GPR137B: variants seen among roughly 807,000 people sequenced by gnomAD.
GPR137B encodes G protein-coupled receptor 137B.
Under a neutral mutation model 42.5 loss-of-function variants are expected in GPR137B, and 42 were observed. The observed-to-expected ratio is 0.99, with a 90% confidence interval of 0.77 to 1.28. The LOEUF is 1.28. GPR137B is among the 50% of genes most tolerant of loss of function. The pLI is 0.00. For missense variants in GPR137B, 487 were observed against 493.9 expected, an observed-to-expected ratio of 0.99 and a Z score of 0.13; for synonymous variants, 218 against 209.7, an observed-to-expected ratio of 1.04 and a Z score of -0.34.
intron 1 of GPR137B, among the ~76,000 whole-genome samples, chr1:236,153,582 C>T (rs964513426): frequency 6.6e-6 from 1 of 152,212 alleles, no homozygotes; most frequent in Non-Finnish European, 1.5e-5. Flanking sequence ...GTGTGCCAGA[C>T]ACTGTGCAGA....
At chr1:236,145,904 G>T (rs1015674558) in intron 1 of GPR137B, among the ~76,000 whole-genome samples, 4 of 152,054 alleles carry the variant, frequency 2.6e-5, no homozygotes, top group Admixed American at 1.3e-4. Flanking sequence ...TTTTGAGATA[G>T]AGCCTTGCTT....
chr1:236,147,258 G>A (rs1049660048), intron 1 of GPR137B, among the ~76,000 whole-genome samples: 6 of 152,182 alleles, frequency 3.9e-5, no homozygotes, highest in African/African-American at 1.2e-4. Flanking sequence ...GCCCAGGGGA[G>A]GGGCACACTC....
chr1:236,172,080 G>A (rs1463887665), intron 2 of GPR137B, among the ~76,000 whole-genome samples: 1 of 151,792 alleles, frequency 6.6e-6, no homozygotes. Flanking sequence ...GGCCAGTGAA[G>A]TTGGAGAGTT....
intron 6 of GPR137B, among the ~76,000 whole-genome samples, chr1:236,206,566 A>G (rs1663668463): frequency 6.6e-6 from 1 of 152,198 alleles, no homozygotes; most frequent in Non-Finnish European, 1.5e-5. Flanking sequence ...CAATACATGA[A>G]CTACCAGTCC....
intron 5 of GPR137B, among the ~76,000 whole-genome samples, chr1:236,195,526 G>T (rs1663308087): frequency 6.6e-6 from 1 of 152,112 alleles, no homozygotes; most frequent in Non-Finnish European, 1.5e-5. Flanking sequence ...CACTTAGGTT[G>T]CTTCCAAAGC....
intron 5 of GPR137B, among the ~76,000 whole-genome samples, chr1:236,195,258 C>T (rs911126851): frequency 5.3e-5 from 8 of 151,904 alleles, no homozygotes; most frequent in African/African-American, 1.7e-4. Context: ...ATACTCTCCC[C>T]CCGCCACTAC....
At chr1:236,191,197 T>C (rs1374645641) in intron 5 of GPR137B, among the ~76,000 whole-genome samples, 1 of 152,182 alleles carries the variant, frequency 6.6e-6, no homozygotes, top group African/African-American at 2.4e-5. Flanking sequence ...CATCAGGTCA[T>C]TTATATTCTC....
At chr1:236,151,166 T>C (rs1661849087) in intron 1 of GPR137B, among the ~76,000 whole-genome samples, 1 of 152,130 alleles carries the variant, frequency 6.6e-6, no homozygotes, top group South Asian at 2.1e-4. Context: ...GGCCGGCCAG[T>C]TCTCTCAGTA....
In GPR137B at chr1:236,150,692, C is replaced by T. The variant is rs1288994180; in HGVS notation, c.414+7656C>T. 1.3e-5 allele frequency among the ~76,000 whole-genome samples: 2 copies of T among 152,242 alleles called. No individual in the cohort carries two copies. The highest frequency in any genetic ancestry group is 2.4e-5 in the African/African-American group (1 of 41,468). On this transcript the variant is annotated intron_variant, in intron 1 of 6. Coordinates refer to ENST00000366592, the MANE Select transcript of GPR137B (RefSeq NM_003272.4). This position sits in a 1 kb window ranked among gnomAD's most constrained non-coding sequence, Gnocchi z 6.2. ...GTCACCATCAGGAGCGCCCTACTGT[C>T]GGCTCCGAACACTGTGGCACCTGCA...
At chr1:236,180,675 C>T (rs965766433) in intron 4 of GPR137B, among the ~76,000 whole-genome samples, 7 of 145,078 alleles carry the variant, frequency 4.8e-5, no homozygotes, top group African/African-American at 7.6e-5. Flanking sequence ...ACTCTTGTTG[C>T]CCAGGCTGGA....
intron 2 of GPR137B, among the ~76,000 whole-genome samples, chr1:236,176,397 C>G (rs540690129): frequency 5.9e-4 from 90 of 152,196 alleles, no homozygotes; most frequent in African/African-American, 2.0e-3. Context: ...CCTGCATGTC[C>G]GACTCGCTCA....
chr1:236,178,495 G>C lies in GPR137B; in HGVS notation c.546G>C (p.Thr182=). 1 of 1,613,832 alleles carries C rather than the reference G, an allele frequency of 6.2e-7. No homozygotes were observed. The highest frequency in any genetic ancestry group is 1.1e-5 in the South Asian group (1 of 91,062). The change falls in exon 3 of 7, where the codon ACG becomes ACC. Residue 182 remains threonine, a synonymous_variant. Coordinates refer to ENST00000366592, the MANE Select transcript of GPR137B (RefSeq NM_003272.4). ...TAACCTGTGCTGTGCTGGTAAAGAC[G>C]GGAAATTGGGAGAGGAAGGTTATCG... is the stretch of plus-strand genomic sequence containing the variant. ...VNLTCAVLVK[T]GNWERKVIVS...
At chr1:236,193,799 C>A (rs1663262756) in intron 5 of GPR137B, among the ~76,000 whole-genome samples, 1 of 152,120 alleles carries the variant, frequency 6.6e-6, no homozygotes, top group African/African-American at 2.4e-5. Flanking sequence ...ATGATTTGCA[C>A]ATATTTTCTC....
Position 236,165,190 on chromosome 1 carries a change from C to T in GPR137B, c.415-3516C>T, listed in dbSNP as rs138020659. Among the ~76,000 whole-genome samples the T allele has an allele frequency of 4.1e-3, 626 of 152,330 alleles. 9 individuals carry two copies. Among genetic ancestry groups the T allele is most frequent in the Admixed American group, 0.037 (564 of 15,306 alleles). On this transcript the variant is annotated intron_variant, in intron 1 of 6. Coordinates refer to ENST00000366592, the MANE Select transcript of GPR137B (RefSeq NM_003272.4). ...AAAGTGCTGGGATTACAGGCGTGAGCCACTGCACCCAGCCTGAATTCAAGA... is the reference window on the plus strand; with the variant it reads ...AAAGTGCTGGGATTACAGGCGTGAGTCACTGCACCCAGCCTGAATTCAAGA...
chr1:236,175,026 T>G (rs1489361060), intron 2 of GPR137B, among the ~76,000 whole-genome samples: 1 of 151,982 alleles, frequency 6.6e-6, no homozygotes, highest in Non-Finnish European at 1.5e-5. Context: ...AACAAGCATA[T>G]TTTCTGAGGA....
At chr1:236,152,694 C>T (rs1435229518) in intron 1 of GPR137B, among the ~76,000 whole-genome samples, 1 of 151,854 alleles carries the variant, frequency 6.6e-6, no homozygotes, top group Non-Finnish European at 1.5e-5. Context: ...GCAGAGGTTG[C>T]AGTGAGCCAA....
intron 1 of GPR137B, among the ~76,000 whole-genome samples, chr1:236,158,215 G>A (rs1221008320): frequency 6.6e-6 from 1 of 152,188 alleles, no homozygotes; most frequent in Non-Finnish European, 1.5e-5. Context: ...CCTGAGGTCA[G>A]GAGTTCAAGA....
chr1:236,148,893 T>C (rs1039738373), intron 1 of GPR137B, among the ~76,000 whole-genome samples: 6 of 152,070 alleles, frequency 3.9e-5, no homozygotes, highest in Admixed American at 1.3e-4. Context: ...GGGCTTTGCC[T>C]CCAGTGTGGG....
chr1:236,151,719 G>GCCTCCCT (rs1661872345), intron 1 of GPR137B, among the ~76,000 whole-genome samples: 1 of 152,054 alleles, frequency 6.6e-6, no homozygotes, highest in South Asian at 2.1e-4. Flanking sequence ...ACTGCGCCCG[G>GCCTCCCT]CCTCCCTCCT....
Sources: gnomAD v4.1 joint callset for allele counts (sites outside exome capture counted in the v4.1 genomes callset) on GRCh38, gnomAD v4.1.1 for gene constraint, Gnocchi (gnomAD v3.1) non-coding constraint, MANE v1.5 for transcripts, NCBI Gene and HGNC (gene_info 2026-07-23, HGNC 2026-07-21) for gene names.